The following CFHR4 variants were observed in gnomAD, a reference collection of about 807,000 sequenced individuals.
CFHR4 encodes the protein complement factor H-related protein 4.
A neutral mutation model predicts 69.3 loss-of-function variants in CFHR4; 64 were observed. The ratio of observed to expected loss-of-function variants is 0.92; its 90% confidence interval spans 0.76 to 1.14. CFHR4 has a LOEUF of 1.14. CFHR4 is among the 50% of genes most tolerant of loss of function. CFHR4 has a pLI of 0.00. For missense variants in CFHR4, 636 were observed against 684.9 expected (o/e 0.93, Z 0.80); for synonymous variants, 244 against 237.0 (o/e 1.03, Z -0.27).
chr1:196,904,287 A>G (rs1657780939), intron 2 of CFHR4, among the ~76,000 whole-genome samples: 2 of 151,660 alleles, frequency 1.3e-5, no homozygotes, highest in Non-Finnish European at 2.9e-5. Flanking sequence ...GTTGACAAGA[A>G]TAGATCAGAA....
At chr1:196,890,289 T>C (rs992863948) in intron 1 of CFHR4, among the ~76,000 whole-genome samples, 1 of 151,530 alleles carries the variant, frequency 6.6e-6, no homozygotes, top group Non-Finnish European at 1.5e-5. Context: ...ACCTGAGAAA[T>C]ATTTTTCATA....
intron 1 of CFHR4, among the ~76,000 whole-genome samples, chr1:196,902,171 C>A (rs1025847727): frequency 6.6e-6 from 1 of 151,426 alleles, no homozygotes; most frequent in Admixed American, 6.6e-5. Flanking sequence ...GCTCACTAAT[C>A]AACCAGGGCT....
chr1:196,907,226 A>C, intron 4 of CFHR4, 90 bp from the exon 5 acceptor site: 1 of 1,255,054 alleles, frequency 8.0e-7, no homozygotes, highest in Non-Finnish European at 1.1e-6. Flanking sequence ...AAATCAAATA[A>C]GATACATTTA....
chr1:196,909,821 G>T (rs1658139319), intron 5 of CFHR4, among the ~76,000 whole-genome samples: 1 of 150,676 alleles, frequency 6.6e-6, no homozygotes, highest in African/African-American at 2.5e-5. Flanking sequence ...TGTATCCAGG[G>T]AACTTAAAAA....
intron 1 of CFHR4, among the ~76,000 whole-genome samples, chr1:196,892,095 T>C (rs1657070042): frequency 6.6e-6 from 1 of 151,524 alleles, no homozygotes; most frequent in Admixed American, 6.6e-5. Flanking sequence ...CATAACTTGG[T>C]ATAGTTTTAG....
At chr1:196,906,081 A>T (rs923392138) in intron 3 of CFHR4, among the ~76,000 whole-genome samples, 2 of 151,542 alleles carry the variant, frequency 1.3e-5, no homozygotes, top group African/African-American at 4.9e-5. Flanking sequence ...TATAATTTAC[A>T]TACTGCAAAA....
In CFHR4 at chr1:196,888,327, C is replaced by T. The variant is rs1463479932; in HGVS notation, c.58+119C>T. 4.3e-5 allele frequency: 39 copies of T among 914,404 alleles called. 1 individual carries two copies. Among genetic ancestry groups the T allele is most frequent in the Non-Finnish European group, 5.9e-5 (35 of 589,476 alleles). The allele number at this position is 914,404 out of a possible 1,614,324, so 56.6% of individuals were successfully genotyped here. A position where few individuals can be genotyped will look rare whatever the true frequency, so the allele number is the denominator to read the frequency against. On this transcript the variant is annotated intron_variant, in intron 1 of 9. Coordinates refer to ENST00000608469, the MANE Select transcript of CFHR4 (RefSeq NM_001201550.3). Reference sequence around the variant, plus strand: ...TGATAGGATATATTCACTATGCTAGCAGAAGTAGCATATTTTGTGAGAGTA... The same window carrying T: ...TGATAGGATATATTCACTATGCTAGTAGAAGTAGCATATTTTGTGAGAGTA...
chr1:196,915,109 G>C lies in CFHR4; in HGVS notation c.1511G>C (p.Gly504Ala), dbSNP rs754873579. The change falls in exon 9 of 10, where the codon GGA becomes GCA. Residue 504 changes from glycine (G) to alanine (A), a missense_variant. Coordinates refer to ENST00000608469, the MANE Select transcript of CFHR4 (RefSeq NM_001201550.3). ...TCTAATTATGTAACATGTAGTAATG[G>C]AGAGTGGTCGGAACCACCAAGATGC... ...QGSNYVTCSN[G>A]EWSEPPRCIH... 13 of 1,612,716 alleles carry C rather than the reference G, an allele frequency of 8.1e-6. 1 individual carries two copies. In the Admixed American group the frequency reaches 1.8e-4, roughly 23 times the overall value.
intron 1 of CFHR4, among the ~76,000 whole-genome samples, chr1:196,895,479 G>A (rs895794865): frequency 1.7e-4 from 26 of 150,976 alleles, no homozygotes; most frequent in African/African-American, 6.4e-4. Context: ...TTCTTTTTCT[G>A]TTATTCAGAT....
chr1:196,908,776 A>T (rs973154449), intron 5 of CFHR4, among the ~76,000 whole-genome samples: 2 of 151,596 alleles, frequency 1.3e-5, no homozygotes, highest in Non-Finnish European at 2.9e-5. Flanking sequence ...ACAGCTCTTA[A>T]ACTGTAAACT....
At chr1:196,905,325 CA>C (rs1455108763) in intron 3 of CFHR4, 35 bp downstream of exon 3, 46 of 1,607,040 alleles carry the variant, frequency 2.9e-5, no homozygotes, top group Non-Finnish European at 3.8e-5. Flanking sequence ...CAGTTTCTGT[CA>C]ACTTCTTTCC....
At chr1:196,902,727 T>C in intron 2 of CFHR4, 112 bp downstream of exon 2, 1 of 812,172 alleles carries the variant, frequency 1.2e-6, no homozygotes. Context: ...AAGGAAGAGT[T>C]GTTCAAGCAA....
intron 1 of CFHR4, among the ~76,000 whole-genome samples, chr1:196,901,488 C>A (rs1657599978): frequency 6.6e-6 from 1 of 151,054 alleles, no homozygotes; most frequent in Admixed American, 6.6e-5. Flanking sequence ...AGATAATAAA[C>A]AATATTGTGC....
chr1:196,895,499 T>C (rs1400490342), intron 1 of CFHR4, among the ~76,000 whole-genome samples: 1 of 151,574 alleles, frequency 6.6e-6, no homozygotes, highest in Admixed American at 6.6e-5. Context: ...TTCAATAATT[T>C]TGGTTTTTCT....
In CFHR4 at chr1:196,906,139, C is replaced by A. The variant is rs560235941; in HGVS notation, c.440-722C>A. Among the ~76,000 whole-genome samples the A allele has an allele frequency of 1.9e-4, 29 of 151,000 alleles. 1 individual carries two copies. The highest frequency in any genetic ancestry group is 3.4e-3 in the Middle Eastern group (1 of 294). On this transcript the variant is annotated intron_variant, in intron 3 of 9. Coordinates refer to ENST00000608469, the MANE Select transcript of CFHR4 (RefSeq NM_001201550.3). ...AATTCAACTATTTTTAGCCATGAGACGAAATGGAAAGGACTACTGATATGT... is the reference window on the plus strand; with the variant it reads ...AATTCAACTATTTTTAGCCATGAGAAGAAATGGAAAGGACTACTGATATGT...
At chr1:196,907,153 A>T in intron 4 of CFHR4, 116 bp downstream of exon 4, 1 of 1,198,034 alleles carries the variant, frequency 8.3e-7, no homozygotes, top group Non-Finnish European at 1.2e-6. Context: ...TGTAGTCCTC[A>T]TTTGAGTGTG....
intron 1 of CFHR4, among the ~76,000 whole-genome samples, chr1:196,889,579 T>C (rs191639808): frequency 6.6e-6 from 1 of 151,664 alleles, no homozygotes; most frequent in African/African-American, 2.4e-5. Flanking sequence ...AAGAGTAAAC[T>C]TGAGAAAAAT....
In CFHR4 at chr1:196,910,266, G is replaced by GT. The variant is rs1439884168; in HGVS notation, c.800-9dup. Reference sequence around the variant, plus strand: ...GTGAAACATTATTTATACTATTTTTGTTTTTTGTTACAAGCAATGAAACCT... The same window carrying GT: ...GTGAAACATTATTTATACTATTTTTGTTTTTTTGTTACAAGCAATGAAACCT... On this transcript the variant is annotated splice_polypyrimidine_tract_variant and intron_variant, in intron 5 of 9. Transcript: ENST00000608469. 2 of 1,509,136 alleles carry GT rather than the reference G, an allele frequency of 1.3e-6. No individual in the cohort carries two copies. The highest frequency in any genetic ancestry group is 3.7e-5 in the Admixed American group (2 of 53,558). The allele number at this position is 1,509,136 out of a possible 1,614,324, so 93.5% of individuals were successfully genotyped here.
Position 196,898,960 on chromosome 1 carries a change from A to C in CFHR4, c.59-3458A>C, listed in dbSNP as rs1015536910. ...GACAGAGAGAGTGAGGAGTAGGAGG[A>C]AGCCTTCATGTCATTTATCACCTAG... On this transcript the variant is annotated intron_variant, in intron 1 of 9. Coordinates refer to ENST00000608469, the MANE Select transcript of CFHR4 (RefSeq NM_001201550.3). 5.3e-5 allele frequency among the ~76,000 whole-genome samples: 8 copies of C among 151,586 alleles called. 1 individual carries two copies. The highest frequency in any genetic ancestry group is 5.3e-4 in the Admixed American group (8 of 15,216).
Sources: allele counts gnomAD v4.1 joint callset (sites outside exome capture counted in the v4.1 genomes callset), GRCh38; gene constraint gnomAD v4.1.1; transcripts MANE v1.5; gene names NCBI Gene and HGNC (gene_info 2026-07-23, HGNC 2026-07-21).